SLC25A48: variants seen among roughly 807,000 people sequenced by gnomAD.
SLC25A48 encodes the protein solute carrier family 25 member 48.
In SLC25A48, 29 loss-of-function variants were observed where a neutral mutation model predicts 32.2. That is an observed-to-expected ratio of 0.90 (90% confidence interval 0.67 to 1.23). The LOEUF (loss-of-function observed/expected upper bound fraction) is 1.23, where lower values mean the gene tolerates loss of function less well. SLC25A48 is among the 50% of genes most tolerant of loss of function. The pLI is 0.00. For synonymous variants in SLC25A48, 164 were observed against 172.3 expected (o/e 0.95, Z 0.38); for missense variants, 399 against 422.7 (o/e 0.94, Z 0.49).
intron 3 of SLC25A48, among the ~76,000 whole-genome samples, chr5:135,730,043 T>C (rs1755188779): frequency 6.6e-6 from 1 of 152,194 alleles, no homozygotes; most frequent in Non-Finnish European, 1.5e-5. Context: ...GTGTAAGGTA[T>C]ATAAAGAGGT....
intron 1 of SLC25A48, among the ~76,000 whole-genome samples, chr5:135,590,970 T>C (rs1204753806): frequency 6.6e-6 from 1 of 152,244 alleles, no homozygotes; most frequent in Non-Finnish European, 1.5e-5. Flanking sequence ...GGCTGTGAAC[T>C]CTCAACCCTC....
In SLC25A48 at chr5:135,817,603, G is replaced by A. The variant is rs192826754; in HGVS notation, c.-117+4677G>A. Reference sequence around the variant, plus strand: ...CTTGAAAAATAAGGTAGGAAGAAATGTTCACAATCTTATGGTAGGCAAAGA... The same window carrying A: ...CTTGAAAAATAAGGTAGGAAGAAATATTCACAATCTTATGGTAGGCAAAGA... On this transcript the variant is annotated intron_variant, in intron 4 of 10. Transcript: ENST00000646290. Among the ~76,000 whole-genome samples, 6 of 152,186 alleles carry A rather than the reference G, an allele frequency of 3.9e-5. No homozygotes were observed. The East Asian group carries it at 5.8e-4, about 15-fold the overall frequency.
chr5:135,807,021 G>T (rs1757478718), intron 3 of SLC25A48, among the ~76,000 whole-genome samples: 1 of 150,094 alleles, frequency 6.7e-6, no homozygotes. Context: ...GAGATATTTT[G>T]TTAGTATCAT....
intron 3 of SLC25A48, among the ~76,000 whole-genome samples, chr5:135,706,366 T>G (rs143013279): frequency 1.4e-4 from 21 of 152,318 alleles, no homozygotes; most frequent in African/African-American, 4.3e-4. Context: ...TGAATCAAAT[T>G]CTGGCTCTGC....
chr5:135,846,726 T>G (rs527916592), intron 2 of SLC25A48, among the ~76,000 whole-genome samples: 10 of 152,284 alleles, frequency 6.6e-5, no homozygotes, highest in Non-Finnish European at 1.5e-4. Flanking sequence ...ATGTATCCAC[T>G]GCATTCACAC....
chr5:135,656,272 C>A (rs539875162), intron 3 of SLC25A48, among the ~76,000 whole-genome samples: 5 of 152,204 alleles, frequency 3.3e-5, no homozygotes, highest in East Asian at 1.9e-4. Flanking sequence ...GGCCAGCACA[C>A]GGGAAGGTGT....
At chr5:135,875,579 T>G (rs1220350114) in intron 6 of SLC25A48, 1 of 152,248 alleles carries the variant, frequency 6.6e-6, no homozygotes, top group African/African-American at 2.4e-5. Flanking sequence ...TCCGATTTGA[T>G]GAAGGCTTCT....
At position 135,879,977 on chromosome 5, in the gene SLC25A48, A is replaced by G. The variant is rs955840364; in HGVS notation, c.823A>G (p.Arg275Gly). The change falls in exon 7 of 8, where the codon AGA (arginine) becomes GGA (glycine). Residue 275 changes from arginine (R) to glycine (G), a missense_variant. Transcript: ENST00000681962. ...YQKEGLKVFF[R>G]GITVNAVRGF... ...TGGCCCCTGTGCAAAGGTGTTTTTC[A>G]GAGGCATCACTGTGAACGCGGTGCG... 1.3e-6 allele frequency: 2 copies of G among 1,536,424 alleles called. No homozygotes were observed. Among genetic ancestry groups the G allele is most frequent in the Non-Finnish European group, 1.7e-6 (2 of 1,146,962 alleles).
chr5:135,587,945 A>T (rs1751409322), intron 1 of SLC25A48, among the ~76,000 whole-genome samples: 1 of 152,176 alleles, frequency 6.6e-6, no homozygotes, highest in African/African-American at 2.4e-5. Context: ...TGCTAGAGAG[A>T]GAGGGCAGGA....
At chr5:135,671,045 G>T (rs890052950) in intron 3 of SLC25A48, among the ~76,000 whole-genome samples, 1 of 152,170 alleles carries the variant, frequency 6.6e-6, no homozygotes, top group Non-Finnish European at 1.5e-5. Flanking sequence ...TGGCACGGAC[G>T]AATGGCTTGG....
chr5:135,847,283 G>T (rs1033564208), intron 2 of SLC25A48, among the ~76,000 whole-genome samples: 1 of 152,166 alleles, frequency 6.6e-6, no homozygotes, highest in African/African-American at 2.4e-5. Flanking sequence ...AGCCACACCT[G>T]GTCAAGAGCT....
chr5:135,593,820 G>A (rs1580708083), intron 1 of SLC25A48, among the ~76,000 whole-genome samples: 1 of 152,210 alleles, frequency 6.6e-6, no homozygotes, highest in Admixed American at 6.5e-5. Flanking sequence ...ACAGACAAAC[G>A]TTCTGAAATG....
rs759243159 is a variant in SLC25A48, at chr5:135,852,654, G to A, written c.254G>A (p.Arg85Gln). 9.9e-6 allele frequency: 16 copies of A among 1,613,724 alleles called. No individual in the cohort carries two copies. Among genetic ancestry groups the A allele is most frequent in the South Asian group, 1.1e-5 (1 of 91,064 alleles). The change falls in exon 4 of 8, where the codon CGG (arginine) becomes CAG (glutamine). Residue 85 changes from arginine to glutamine, a missense_variant. Arg to Gln is a conservative substitution (Grantham distance 43). Transcript: ENST00000681962. ...TTTGGGGTCTTCAGTAACACGCAGC[G>A]GTTCCTCAGCCAGCACCGCTGCGGG... The part of the protein sequence containing the change: ...VVFGVFSNTQ[R>Q]FLSQHRCGEP...
At chr5:135,863,147 A>T (rs778145778) in intron 4 of SLC25A48, among the ~76,000 whole-genome samples, 9 of 152,158 alleles carry the variant, frequency 5.9e-5, no homozygotes, top group Non-Finnish European at 4.4e-5. Flanking sequence ...AGCAGGAGAG[A>T]GGAAAGTGTC....
chr5:135,875,438 A>G (rs769763863), intron 6 of SLC25A48: 1 of 152,266 alleles, frequency 6.6e-6, no homozygotes, highest in African/African-American at 2.4e-5. Flanking sequence ...CTAACATGCC[A>G]CATGAGAGGG....
At chr5:135,732,915 C>G (rs1268109194) in intron 3 of SLC25A48, among the ~76,000 whole-genome samples, 1 of 152,192 alleles carries the variant, frequency 6.6e-6, no homozygotes. Context: ...GGATCTGATG[C>G]CTTTTGATGG....
chr5:135,641,775 A>G (rs1258529817), intron 3 of SLC25A48, among the ~76,000 whole-genome samples: 3 of 152,194 alleles, frequency 2.0e-5, no homozygotes, highest in Non-Finnish European at 4.4e-5. Context: ...CATGTGCAGT[A>G]TCTGTCTCTG....
intron 3 of SLC25A48, among the ~76,000 whole-genome samples, chr5:135,637,894 T>C (rs1312334969): frequency 6.6e-6 from 1 of 152,226 alleles, no homozygotes; most frequent in Admixed American, 6.5e-5. Flanking sequence ...CTTTGATTCC[T>C]GGCATCAGAA....
intron 3 of SLC25A48, among the ~76,000 whole-genome samples, chr5:135,695,527 G>T (rs1216756434): frequency 6.6e-6 from 1 of 152,148 alleles, no homozygotes; most frequent in Non-Finnish European, 1.5e-5. Context: ...TCCTGCCCCT[G>T]GTATGCCAAA....
Sources: gnomAD v4.1 joint callset for allele counts (sites outside exome capture counted in the v4.1 genomes callset) on GRCh38, gnomAD v4.1.1 for gene constraint, MANE v1.5 for transcripts, NCBI Gene and HGNC (gene_info 2026-07-23, HGNC 2026-07-21) for gene names.